Variants in ZNF23 observed in about 807,000 individuals in gnomAD.
ZNF23 encodes the protein kruppel-like zinc finger factor X31.
Under a neutral mutation model 56.2 loss-of-function variants are expected in ZNF23, and 48 were observed. The ratio of observed to expected loss-of-function variants is 0.85; its 90% confidence interval spans 0.68 to 1.09. The LOEUF (loss-of-function observed/expected upper bound fraction) is 1.09, where lower values mean the gene tolerates loss of function less well. Ranked by LOEUF, ZNF23 falls within the 50% of genes least tolerant of loss-of-function variation. The pLI, the probability that ZNF23 is intolerant of heterozygous loss-of-function variation, is 0.00. For missense variants in ZNF23, 805 were observed against 811.4 expected, an observed-to-expected ratio of 0.99 and a Z score of 0.10; for synonymous variants, 266 against 283.3, an observed-to-expected ratio of 0.94 and a Z score of 0.61.
At position 71,448,254 on chromosome 16, in the gene ZNF23, C is replaced by T. The variant is rs867883612; in HGVS notation, c.1900G>A (p.Val634Met). 1 of 1,614,226 alleles carries T rather than the reference C, an allele frequency of 6.2e-7. No individual in the cohort carries two copies. Among genetic ancestry groups the T allele is most frequent in the Non-Finnish European group, 8.5e-7 (1 of 1,180,034 alleles). Reference protein sequence around the residue: ...SHTGEKPFRCVECGKGFSFSS... With the variant: ...SHTGEKPFRCMECGKGFSFSS... ...AAGCTGAAGCCTTTGCCACATTCCA[C>T]ACATCTGAAGGGTTTCTCCCCAGTG... Residue 634 changes from valine to methionine, a missense_variant, in exon 5 of 5, where the codon GTG becomes ATG. Coordinates refer to ENST00000647773, the MANE Select transcript of ZNF23 (RefSeq NM_001381984.1).
chr16:71,458,687 C>T (rs2043327059), intron 1 of ZNF23, among the ~76,000 whole-genome samples: 2 of 152,186 alleles, frequency 1.3e-5, no homozygotes, highest in African/African-American at 2.4e-5. Flanking sequence ...CACGAAACCA[C>T]TCACTCCCCG....
intron 1 of ZNF23, among the ~76,000 whole-genome samples, chr16:71,461,276 T>C (rs530043101): frequency 6.6e-6 from 1 of 152,022 alleles, no homozygotes; most frequent in Admixed American, 6.5e-5. Context: ...CTACTATATA[T>C]GTAACATATA....
rs1164941835 is a variant in ZNF23 at position 71,462,222 on chromosome 16, C to G, written c.-45G>C. The G allele has an allele frequency of 9.2e-5, 14 of 152,506 alleles. No individual in the cohort carries two copies. The highest frequency in any genetic ancestry group is 9.1e-4 in the Admixed American group (14 of 15,310). 9.4% of individuals were successfully genotyped at this position (152,506 alleles called of 1,614,324 possible). On this transcript the variant is annotated 5_prime_UTR_variant, in exon 1 of 5. Coordinates refer to ENST00000647773, the MANE Select transcript of ZNF23 (RefSeq NM_001381984.1). Reference sequence around the variant, plus strand: ...GCCCTGCACTCACCTCCGTAGCGGACTGCTCCCCGGCGCTGCCGGAAGTGC... The same window carrying G: ...GCCCTGCACTCACCTCCGTAGCGGAGTGCTCCCCGGCGCTGCCGGAAGTGC...
At chr16:71,460,310 A>G (rs1387699935) in intron 1 of ZNF23, among the ~76,000 whole-genome samples, 1 of 141,284 alleles carries the variant, frequency 7.1e-6, no homozygotes, top group African/African-American at 2.6e-5. Flanking sequence ...CTCCCTCCCA[A>G]GGGGATAGTT....
chr16:71,453,108 T>C (rs935811184), intron 4 of ZNF23, 135 bp downstream of exon 4: 8 of 604,580 alleles, frequency 1.3e-5, no homozygotes, highest in African/African-American at 7.5e-5. Context: ...CCTATCTCTA[T>C]GAATCATCAA....
intron 1 of ZNF23, among the ~76,000 whole-genome samples, chr16:71,460,638 T>A (rs2043409957): frequency 6.6e-6 from 1 of 152,218 alleles, no homozygotes; most frequent in Admixed American, 6.5e-5. Context: ...TATCAAGGAA[T>A]AGACTCCAAT....
intron 2 of ZNF23, among the ~76,000 whole-genome samples, chr16:71,455,106 T>C (rs1406443647): frequency 2.6e-5 from 4 of 152,376 alleles, no homozygotes; most frequent in Admixed American, 2.6e-4. Context: ...TCAGCAATTC[T>C]AGTCCAACCT....
chr16:71,461,718 T>G (rs1340305593), intron 1 of ZNF23: 1 of 152,210 alleles, frequency 6.6e-6, no homozygotes, highest in African/African-American at 2.4e-5. Context: ...CTGCTTCTGC[T>G]GCCGGGTGAC....
Position 71,448,459 on chromosome 16 carries a change from A to C in ZNF23, c.1695T>G (p.His565Gln). 1 of 1,614,224 alleles carries C rather than the reference A, an allele frequency of 6.2e-7. No individual in the cohort carries two copies. The highest frequency in any genetic ancestry group is 8.5e-7 in the Non-Finnish European group (1 of 1,180,028). The change falls in exon 5 of 5, where the codon CAT (histidine) becomes CAG (glutamine). Residue 565 changes from histidine (H) to glutamine (Q), a missense_variant. By Grantham distance (24) the His-to-Gln change is conservative. Coordinates refer to ENST00000647773, the MANE Select transcript of ZNF23 (RefSeq NM_001381984.1). ...GTTTCTCCCCAGTATGTATCCTCTG[A>C]TGCCTAGTTAGTTTGGCATTGATAC... The part of the protein sequence containing the change: ...AFSINAKLTR[H>Q]QRIHTGEKPF...
chr16:71,454,020 TC>T (rs755507755), intron 3 of ZNF23, 21 bp downstream of exon 3: 4 of 1,613,940 alleles, frequency 2.5e-6, no homozygotes, highest in Admixed American at 3.3e-5. Context: ...GATTCCAGGT[TC>T]CCAGGGTAGA....
Position 71,447,686 on chromosome 16 carries a change from G to A in ZNF23, c.*407C>T, listed in dbSNP as rs1484718954. 1 of 155,018 alleles carries A rather than the reference G, an allele frequency of 6.5e-6. No individual in the cohort carries two copies. The highest frequency in any genetic ancestry group is 1.4e-5 in the Non-Finnish European group (1 of 70,210). 9.6% of individuals were successfully genotyped at this position (155,018 alleles called of 1,614,324 possible). A position where few individuals can be genotyped will look rare whatever the true frequency, so the allele number is the denominator to read the frequency against. On this transcript the variant is annotated 3_prime_UTR_variant, in exon 5 of 5. Coordinates refer to ENST00000647773, the MANE Select transcript of ZNF23 (RefSeq NM_001381984.1). ...AAAATTAAACAAATAAATTAATGTA[G>A]GTAGAGTATCTTTAGTACGGGTTTT...
chr16:71,449,749 G>T lies in ZNF23; in HGVS notation c.405C>A (p.Val135=). 6.2e-7 allele frequency: 1 copy of T among 1,614,028 alleles called. No individual in the cohort carries two copies. Among genetic ancestry groups the T allele is most frequent in the Non-Finnish European group, 8.5e-7 (1 of 1,180,034 alleles). ...CCTTCTTTATATTTCCTGCTGAGTG[G>T]ACTTCCTGTTGTTTCTCTAGAAGAG... The part of the protein sequence containing the change: ...EASLLEKQQE[V]HSAGNIKKEK... The change falls in exon 5 of 5, where the codon GTC becomes GTA. Residue 135 remains valine, a synonymous_variant. Transcript: ENST00000647773.
intron 1 of ZNF23, among the ~76,000 whole-genome samples, chr16:71,457,485 C>T (rs960383659): frequency 6.6e-6 from 1 of 152,138 alleles, no homozygotes; most frequent in Non-Finnish European, 1.5e-5. Context: ...ATGGTGTGAA[C>T]CCGGGAGGCA....
intron 2 of ZNF23, among the ~76,000 whole-genome samples, chr16:71,455,645 C>A (rs2043203489): frequency 1.3e-5 from 2 of 152,064 alleles, no homozygotes; most frequent in African/African-American, 2.4e-5. Flanking sequence ...GTGTGAGCCA[C>A]CACACCCGGC....
In ZNF23 at chr16:71,462,198, C is replaced by G. The variant is rs915190415; in HGVS notation, c.-33+12G>C. 6.6e-6 allele frequency: 1 copy of G among 152,374 alleles called. No individual in the cohort carries two copies. The highest frequency in any genetic ancestry group is 1.5e-5 in the Non-Finnish European group (1 of 68,158). 9.4% of individuals were successfully genotyped at this position (152,374 alleles called of 1,614,324 possible). A position where few individuals can be genotyped will look rare whatever the true frequency, so the allele number is the denominator to read the frequency against. ...AGGGCACGGCACACAGCGCCCGGAG[C>G]CCTGCACTCACCTCCGTAGCGGACT... On this transcript the variant is annotated intron_variant, in intron 1 of 4. Transcript: ENST00000647773.
chr16:71,459,312 G>A (rs370481972), intron 1 of ZNF23, among the ~76,000 whole-genome samples: 5 of 152,330 alleles, frequency 3.3e-5, no homozygotes, highest in East Asian at 1.9e-4. Flanking sequence ...TCCCCCAGCG[G>A]GGCAGCCTTA....
intron 1 of ZNF23, 53 bp from the exon 2 acceptor site, chr16:71,456,881 G>T: frequency 1.4e-6 from 1 of 725,178 alleles, no homozygotes; most frequent in Non-Finnish European, 1.7e-6. Flanking sequence ...CCCAACCAGA[G>T]CAACATAGCC....
chr16:71,448,613 G>T lies in ZNF23; in HGVS notation c.1541C>A (p.Thr514Asn). Residue 514 changes from threonine to asparagine, a missense_variant, in exon 5 of 5, where the codon ACT becomes AAT. Thr to Asn is a moderately conservative substitution (Grantham distance 65, BLOSUM62 0). Transcript: ENST00000647773. ...GKLMRHQRIHTGEKPFECNEC... is the reference protein window; with the variant it reads ...GKLMRHQRIHNGEKPFECNEC... ...ATTACATTCAAAAGGTTTCTCCCCA[G>T]TGTGAATTCTCTGATGCCGCATTAG... 1 of 1,614,148 alleles carries T rather than the reference G, an allele frequency of 6.2e-7. No homozygotes were observed. Among genetic ancestry groups the T allele is most frequent in the South Asian group, 1.1e-5 (1 of 91,084 alleles).
At chr16:71,450,793 A>G (rs919604511) in intron 4 of ZNF23, 8 of 368,380 alleles carry the variant, frequency 2.2e-5, no homozygotes, top group African/African-American at 1.5e-4. Flanking sequence ...TTTTAATCAC[A>G]CCATGCTTTT....
Sources: gnomAD v4.1 joint callset for allele counts (sites outside exome capture counted in the v4.1 genomes callset) on GRCh38, gnomAD v4.1.1 for gene constraint, MANE v1.5 for transcripts, NCBI Gene and HGNC (gene_info 2026-07-23, HGNC 2026-07-21) for gene names.